The following MARK1 variants were observed in gnomAD, a reference collection of about 807,000 sequenced individuals.
MARK1 encodes microtubule affinity regulating kinase 1, also known as serine/threonine-protein kinase MARK1.
A neutral mutation model predicts 96.3 loss-of-function variants in MARK1; 40 were observed. That is an observed-to-expected ratio of 0.42 (90% CI 0.32 to 0.54). The LOEUF (loss-of-function observed/expected upper bound fraction) is 0.54, where lower values mean the gene tolerates loss of function less well. Ranked by LOEUF, MARK1 falls within the 20% of genes least tolerant of loss-of-function variation. The pLI, the probability that MARK1 is intolerant of heterozygous loss-of-function variation, is 0.16. For missense variants in MARK1, 719 were observed against 984.6 expected (o/e 0.73, Z 3.61); for synonymous variants, 317 against 341.2 (o/e 0.93, Z 0.78).
At chr1:220,657,198 G>A (rs1669221078) in intron 16 of MARK1, among the ~76,000 whole-genome samples, 1 of 152,094 alleles carries the variant, frequency 6.6e-6, no homozygotes. Flanking sequence ...TTTCGCAGGT[G>A]GATATCCAGG....
intron 16 of MARK1, among the ~76,000 whole-genome samples, chr1:220,657,314 CA>C (rs1669229958): frequency 1.3e-5 from 2 of 152,110 alleles, no homozygotes; most frequent in Admixed American, 1.3e-4. Flanking sequence ...GAATTGTTAG[CA>C]TAACTTCTAA....
intron 3 of MARK1, among the ~76,000 whole-genome samples, chr1:220,588,488 T>A (rs1227328172): frequency 6.6e-6 from 1 of 152,214 alleles, no homozygotes; most frequent in South Asian, 2.1e-4. Context: ...ATTTTACTGT[T>A]GTAGTTATAA....
chr1:220,651,685 T>G (rs1668886254), intron 14 of MARK1, among the ~76,000 whole-genome samples: 2 of 152,192 alleles, frequency 1.3e-5, no homozygotes. Context: ...CATAATAATT[T>G]TATCTGAAAC....
intron 5 of MARK1, among the ~76,000 whole-genome samples, chr1:220,603,306 G>T (rs2102919256): frequency 6.6e-6 from 1 of 152,068 alleles, no homozygotes; most frequent in Non-Finnish European, 1.5e-5. Context: ...AAAACTTACA[G>T]ACATGTAAAG....
intron 2 of MARK1, among the ~76,000 whole-genome samples, chr1:220,580,425 G>A (rs572964562): frequency 2.0e-5 from 3 of 152,132 alleles, no homozygotes; most frequent in East Asian, 3.9e-4. Context: ...GCAGTGAACT[G>A]TGGTAGCACC....
chr1:220,621,340 T>TGGA (rs1667043274), intron 9 of MARK1, among the ~76,000 whole-genome samples: 1 of 152,142 alleles, frequency 6.6e-6, no homozygotes, highest in South Asian at 2.1e-4. Context: ...TTAGATAAAT[T>TGGA]CTTCAGAGTG....
intron 1 of MARK1, among the ~76,000 whole-genome samples, chr1:220,546,876 G>T (rs1370627449): frequency 1.3e-5 from 2 of 151,874 alleles, no homozygotes; most frequent in Admixed American, 6.6e-5. Flanking sequence ...GGAGGCTGAG[G>T]CAGGAGAATC....
chr1:220,649,565 C>G (rs527918381), intron 13 of MARK1, among the ~76,000 whole-genome samples: 1 of 152,298 alleles, frequency 6.6e-6, no homozygotes, highest in East Asian at 1.9e-4. Context: ...TTTTAATAAT[C>G]TTAGCCTGTT....
chr1:220,651,386 A>C (rs1668864540), intron 14 of MARK1, among the ~76,000 whole-genome samples: 1 of 152,174 alleles, frequency 6.6e-6, no homozygotes, highest in Non-Finnish European at 1.5e-5. Flanking sequence ...ATGTAAAGTA[A>C]GTGCTATTGT....
chr1:220,545,544 C>T (rs953778195), intron 1 of MARK1, among the ~76,000 whole-genome samples: 1 of 148,874 alleles, frequency 6.7e-6, no homozygotes, highest in African/African-American at 2.5e-5. Context: ...TCAATCAATC[C>T]ATCCGCCTCA....
rs1471872808 is a variant in MARK1 at position 220,585,990 on chromosome 1, C to CAG, written c.309+4873_309+4874insGA. Among the ~76,000 whole-genome samples the CAG allele has an allele frequency of 3.6e-4, 6 of 16,658 alleles. No individual in the cohort carries two copies. In the Non-Finnish European group the frequency reaches 5.8e-3, roughly 16 times the overall value. 10.9% of individuals were successfully genotyped at this position (16,658 alleles called of 152,430 possible). A position where few individuals can be genotyped will look rare whatever the true frequency, so the allele number is the denominator to read the frequency against. On this transcript the variant is annotated intron_variant, in intron 3 of 17. Coordinates refer to ENST00000366917, the MANE Select transcript of MARK1 (RefSeq NM_018650.5). ...CATCCACTTTACATACGTATACACA[C>CAG]ACACACACACACACACACACACGCG...
intron 13 of MARK1, among the ~76,000 whole-genome samples, chr1:220,636,877 TG>T (rs1282068639): frequency 6.7e-6 from 1 of 148,984 alleles, no homozygotes; most frequent in African/African-American, 2.5e-5. Context: ...CACTCCAGCC[TG>T]GGCAGCAGAG....
chr1:220,642,969 C>G lies in MARK1; in HGVS notation c.1470+6943C>G, dbSNP rs115607480. 2.5e-3 allele frequency among the ~76,000 whole-genome samples: 387 copies of G among 152,256 alleles called. 1 individual carries two copies. Among genetic ancestry groups the G allele is most frequent in the African/African-American group, 8.9e-3 (371 of 41,554 alleles). On this transcript the variant is annotated intron_variant, in intron 13 of 17. Coordinates refer to ENST00000366917, the MANE Select transcript of MARK1 (RefSeq NM_018650.5). Reference sequence around the variant, plus strand: ...TCCAAAGGTCAACAGCCTCAAAGATCAAAGGTACATAAATCCACGAAAATG... The same window carrying G: ...TCCAAAGGTCAACAGCCTCAAAGATGAAAGGTACATAAATCCACGAAAATG...
At chr1:220,554,214 G>A (rs1173074026) in intron 1 of MARK1, among the ~76,000 whole-genome samples, 1 of 152,140 alleles carries the variant, frequency 6.6e-6, no homozygotes, top group African/African-American at 2.4e-5. Flanking sequence ...GGTGTCTAAA[G>A]TAGTCATTAC....
At chr1:220,657,956 G>T (rs1047769406) in intron 17 of MARK1, 122 bp downstream of exon 17, 7 of 648,044 alleles carry the variant, frequency 1.1e-5, no homozygotes, top group Non-Finnish European at 1.6e-5. Context: ...GCGTATTTTA[G>T]ATTTTTATAT....
chr1:220,637,400 G>C (rs10779414), intron 13 of MARK1, among the ~76,000 whole-genome samples: 112,933 of 152,118 alleles, frequency 0.74, 42,900 homozygotes, highest in African/African-American at 0.9. Context: ...AGTTAAGAGA[G>C]CAGGCACAGT....
chr1:220,600,651 T>G (rs994242839), intron 5 of MARK1, among the ~76,000 whole-genome samples: 2 of 152,132 alleles, frequency 1.3e-5, no homozygotes, highest in African/African-American at 4.8e-5. Context: ...AAAGGGAGGT[T>G]TTAAGGGCTC....
chr1:220,571,100 A>G (rs908762540), intron 1 of MARK1, among the ~76,000 whole-genome samples: 6 of 152,180 alleles, frequency 3.9e-5, no homozygotes, highest in Non-Finnish European at 8.8e-5. Flanking sequence ...ATTAAGTTAC[A>G]TTTTGTGGAG....
rs768517968 is a variant in MARK1 at position 220,650,706 on chromosome 1, T to G, written c.1557T>G (p.Asn519Lys). 6.2e-7 allele frequency: 1 copy of G among 1,613,032 alleles called. No homozygotes were observed. Among genetic ancestry groups the G allele is most frequent in the South Asian group, 1.1e-5 (1 of 90,992 alleles). The stretch of plus-strand genomic sequence containing the variant: ...CAGATCGATACGTAGCATTGCAGAA[T>G]GGAAAAGACAGCAGGTAAATGCCAC... ...RTTDRYVALQ[N>K]GKDSSLTEMS... Residue 519 changes from asparagine to lysine, a missense_variant, in exon 14 of 18, where the codon AAT becomes AAG. This residue lies in a region of MARK1 where 501 missense variants were observed against 588.3 expected (regional missense o/e 0.85). Transcript: ENST00000366917.
Sources: gnomAD v4.1 joint callset for allele counts (sites outside exome capture counted in the v4.1 genomes callset) on GRCh38, gnomAD v4.1.1 for gene constraint, gnomAD v4.1.1 regional missense constraint, MANE v1.5 for transcripts, NCBI Gene and HGNC (gene_info 2026-07-23, HGNC 2026-07-21) for gene names.